Variants in RAB3GAP2 observed in about 807,000 individuals in gnomAD.
RAB3GAP2 encodes rab3 GTPase-activating protein non-catalytic subunit.
Under a neutral mutation model 185.3 loss-of-function variants are expected in RAB3GAP2, and 87 were observed. The ratio of observed to expected loss-of-function variants is 0.47; its 90% confidence interval spans 0.39 to 0.56. The LOEUF (loss-of-function observed/expected upper bound fraction) is 0.56. Ranked by LOEUF, RAB3GAP2 falls within the 20% of genes least tolerant of loss-of-function variation. The pLI is 0.00. For synonymous variants in RAB3GAP2, 554 were observed against 576.1 expected (o/e 0.96, Z 0.55); for missense variants, 1,492 against 1,638.2 (o/e 0.91, Z 1.54).
intron 1 of RAB3GAP2, chr1:220,266,284 G>T: frequency 3.9e-6 from 1 of 254,690 alleles, no homozygotes; most frequent in Non-Finnish European, 7.7e-6. Context: ...TACCAGGCTT[G>T]GCCAACCCAA....
At chr1:220,196,441 C>A (rs373445218) in intron 9 of RAB3GAP2, 43 bp from the exon 10 acceptor site, 2 of 1,521,564 alleles carry the variant, frequency 1.3e-6, no homozygotes, top group African/African-American at 1.4e-5. Context: ...AATGTTATTG[C>A]GGTCATTACA....
chr1:220,217,841 T>C (rs765781042), intron 2 of RAB3GAP2, among the ~76,000 whole-genome samples: 4 of 152,160 alleles, frequency 2.6e-5, no homozygotes, highest in Non-Finnish European at 5.9e-5. Context: ...AAGTACAAGT[T>C]AAAGAGATAT....
chr1:220,163,105 C>T (rs1657993707), intron 27 of RAB3GAP2, among the ~76,000 whole-genome samples: 1 of 152,108 alleles, frequency 6.6e-6, no homozygotes. Flanking sequence ...CCACTATACT[C>T]CAACTGGGGT....
chr1:220,151,617 G>A lies in RAB3GAP2; in HGVS notation c.4015C>T (p.Leu1339=). The change falls in exon 34 of 35, where the codon CTG becomes TTG. Residue 1339 remains leucine, a synonymous_variant. Transcript: ENST00000358951. ...ARLPPTLCTW[L]KAMDPQDLQN... ...TCTATTGTACTGACCATTGCTTTCA[G>A]CCAAGTACACAGTGTGGGTGGAAGT... 2 of 1,611,380 alleles carry A rather than the reference G, an allele frequency of 1.2e-6. No homozygotes were observed. The highest frequency in any genetic ancestry group is 1.7e-6 in the Non-Finnish European group (2 of 1,177,534).
intron 1 of RAB3GAP2, among the ~76,000 whole-genome samples, chr1:220,265,803 T>C (rs1327910866): frequency 2.6e-5 from 4 of 152,012 alleles, no homozygotes; most frequent in Non-Finnish European, 5.9e-5. Context: ...TGCATACTTG[T>C]AGTCCTAGCA....
At chr1:220,249,865 T>C (rs963040588) in intron 1 of RAB3GAP2, among the ~76,000 whole-genome samples, 13 of 152,172 alleles carry the variant, frequency 8.5e-5, no homozygotes, top group Non-Finnish European at 1.3e-4. Context: ...TGTGGGTGCA[T>C]AGAAATCAAG....
chr1:220,162,197 C>G lies in RAB3GAP2; in HGVS notation c.3225+1G>C. 1 of 1,552,798 alleles carries G rather than the reference C, an allele frequency of 6.4e-7. No homozygotes were observed. Among genetic ancestry groups the G allele is most frequent in the Non-Finnish European group, 8.9e-7 (1 of 1,124,574 alleles). On this transcript the variant is annotated splice_donor_variant, in intron 28 of 34. Coordinates refer to ENST00000358951, the MANE Select transcript of RAB3GAP2 (RefSeq NM_012414.4). LOFTEE classifies it high-confidence loss of function. ...GAAGTCAATACATGAAACTACCTTA[C>G]CTTATCCATTAAGTATGTAGCAGCA...
chr1:220,251,963 A>C (rs1471227601), intron 1 of RAB3GAP2, among the ~76,000 whole-genome samples: 1 of 152,096 alleles, frequency 6.6e-6, no homozygotes, highest in Non-Finnish European at 1.5e-5. Context: ...CAGCCTAGGC[A>C]ACATAGTGAG....
intron 4 of RAB3GAP2, 106 bp downstream of exon 4, chr1:220,212,781 C>G: frequency 1.0e-6 from 1 of 955,350 alleles, no homozygotes; most frequent in Non-Finnish European, 1.7e-6. Flanking sequence ...ATGTGAACCA[C>G]TGCACCCAAT....
At chr1:220,213,745 A>AGG (rs1659129208) in intron 3 of RAB3GAP2, 111 bp downstream of exon 3, 1 of 446,752 alleles carries the variant, frequency 2.2e-6, no homozygotes, top group African/African-American at 3.1e-5. Context: ...GGGGGGGGGG[A>AGG]GAGAGAGAGA....
chr1:220,246,829 G>A (rs1659826828), intron 1 of RAB3GAP2, among the ~76,000 whole-genome samples: 1 of 147,946 alleles, frequency 6.8e-6, no homozygotes, highest in African/African-American at 2.5e-5. Context: ...TAGATGACGA[G>A]TTAGTGGGTG....
intron 1 of RAB3GAP2, among the ~76,000 whole-genome samples, chr1:220,269,578 C>A (rs970076182): frequency 6.6e-6 from 1 of 152,170 alleles, no homozygotes; most frequent in East Asian, 1.9e-4. Flanking sequence ...AAACATTAGC[C>A]GGGCATGGTG....
intron 1 of RAB3GAP2, among the ~76,000 whole-genome samples, chr1:220,237,975 A>C (rs1382576569): frequency 2.0e-5 from 3 of 152,112 alleles, no homozygotes; most frequent in Non-Finnish European, 4.4e-5. Flanking sequence ...TAATCAATGC[A>C]AAATTATTGG....
intron 2 of RAB3GAP2, among the ~76,000 whole-genome samples, chr1:220,218,857 T>C (rs570168794): frequency 6.6e-6 from 1 of 152,300 alleles, no homozygotes; most frequent in African/African-American, 2.4e-5. Flanking sequence ...TGTATACCTA[T>C]TCCAACTGCA....
intron 24 of RAB3GAP2, among the ~76,000 whole-genome samples, chr1:220,167,997 A>G (rs1259282032): frequency 6.6e-6 from 1 of 152,234 alleles, no homozygotes; most frequent in East Asian, 1.9e-4. Flanking sequence ...AAAAAAATTA[A>G]TATATACTTA....
At chr1:220,238,939 G>C (rs56277368) in intron 1 of RAB3GAP2, among the ~76,000 whole-genome samples, 1 of 152,258 alleles carries the variant, frequency 6.6e-6, no homozygotes, top group African/African-American at 2.4e-5. Flanking sequence ...TGTATCCTGT[G>C]TATGTGCACA....
At chr1:220,214,689 C>T (rs1268904158) in intron 2 of RAB3GAP2, among the ~76,000 whole-genome samples, 1 of 151,762 alleles carries the variant, frequency 6.6e-6, no homozygotes, top group African/African-American at 2.4e-5. Flanking sequence ...TAACGTTATG[C>T]TTCTTTCTTT....
At chr1:220,194,247 GA>G (rs1017701171) in intron 12 of RAB3GAP2, among the ~76,000 whole-genome samples, 24 of 141,010 alleles carry the variant, frequency 1.7e-4, no homozygotes, top group South Asian at 4.5e-4. Context: ...AAATAATAAT[GA>G]AAAAAAAAAG....
intron 2 of RAB3GAP2, among the ~76,000 whole-genome samples, chr1:220,218,835 C>T (rs1032288894): frequency 1.3e-5 from 2 of 152,054 alleles, no homozygotes; most frequent in African/African-American, 2.4e-5. Context: ...CACAACCACA[C>T]GGGGGAGCAG....
Sources: allele counts gnomAD v4.1 joint callset (sites outside exome capture counted in the v4.1 genomes callset), GRCh38; gene constraint gnomAD v4.1.1; transcripts MANE v1.5; gene names NCBI Gene and HGNC (gene_info 2026-07-23, HGNC 2026-07-21).